FAH: variants seen among roughly 807,000 people sequenced by gnomAD.
The protein encoded by FAH is fumarylacetoacetase.
FAH carries 47 observed loss-of-function variants against 55.8 expected under a neutral mutation model. The ratio of observed to expected loss-of-function variants is 0.84; its 90% confidence interval spans 0.67 to 1.07. The LOEUF (loss-of-function observed/expected upper bound fraction) is 1.07, where lower values mean the gene tolerates loss of function less well. Ranked by LOEUF, FAH falls within the 50% of genes least tolerant of loss-of-function variation. The pLI is 0.00. For synonymous variants in FAH, 199 were observed against 207.7 expected, an observed-to-expected ratio of 0.96 and a Z score of 0.36; for missense variants, 495 against 545.9, an observed-to-expected ratio of 0.91 and a Z score of 0.93.
intron 13 of FAH, among the ~76,000 whole-genome samples, chr15:80,185,355 C>G (rs933169222): frequency 6.6e-6 from 1 of 152,188 alleles, no homozygotes; most frequent in African/African-American, 2.4e-5. Flanking sequence ...AGATCCATTG[C>G]ACAGATGAAG....
At chr15:80,158,004 G>C in intron 1 of FAH, 56 bp from the exon 2 acceptor site, 1 of 1,338,478 alleles carries the variant, frequency 7.5e-7, no homozygotes, top group Non-Finnish European at 1.1e-6. Context: ...CTGAGTAAAT[G>C]AGCCAAGCCC....
intron 3 of FAH, 136 bp downstream of exon 3, chr15:80,160,013 C>T (rs2142092273): frequency 8.8e-7 from 1 of 1,132,776 alleles, no homozygotes; most frequent in African/African-American, 1.5e-5. Context: ...CATCCAGCCC[C>T]TGCCTGAGCT....
Position 80,181,064 on chromosome 15 carries a change from T to C in FAH, c.1085T>C (p.Met362Thr). Residue 362 changes from methionine (M) to threonine (T), a missense_variant, in exon 13 of 14, where the codon ATG becomes ACG. Coordinates refer to ENST00000561421, the MANE Select transcript of FAH (RefSeq NM_000137.4). Reference sequence around the variant, plus strand: ...AAGGAGCCAGAAAACTTCGGCTCCATGTTGGAACTGTCGTGGAAGGGAACG... The same window carrying C: ...AAGGAGCCAGAAAACTTCGGCTCCACGTTGGAACTGTCGTGGAAGGGAACG... ...SGPEPENFGSMLELSWKGTKP... is the reference protein window; with the variant it reads ...SGPEPENFGSTLELSWKGTKP... 6.2e-7 allele frequency: 1 copy of C among 1,613,622 alleles called. No individual in the cohort carries two copies. The highest frequency in any genetic ancestry group is 8.5e-7 in the Non-Finnish European group (1 of 1,179,668).
chr15:80,176,204 T>C (rs913505901), intron 10 of FAH, among the ~76,000 whole-genome samples: 4 of 152,006 alleles, frequency 2.6e-5, no homozygotes, highest in African/African-American at 9.7e-5. Context: ...TTAGTAGAGA[T>C]GGGGTTTCTT....
intron 11 of FAH, among the ~76,000 whole-genome samples, chr15:80,179,184 G>C (rs965860621): frequency 6.6e-6 from 1 of 152,182 alleles, no homozygotes; most frequent in Non-Finnish European, 1.5e-5. Context: ...AGCTCTGGTG[G>C]TGTTTGCCTT....
intron 5 of FAH, among the ~76,000 whole-genome samples, chr15:80,165,280 CA>C (rs887274760): frequency 6.6e-6 from 1 of 151,212 alleles, no homozygotes; most frequent in Admixed American, 6.6e-5. Flanking sequence ...TGTAATCCCA[CA>C]ACTTTGGGAG....
intron 11 of FAH, 126 bp downstream of exon 11, chr15:80,177,709 G>A: frequency 1.2e-6 from 1 of 855,274 alleles, no homozygotes; most frequent in Non-Finnish European, 2.0e-6. Flanking sequence ...TGGGCCTGGA[G>A]CTTCCATGGC....
intron 7 of FAH, among the ~76,000 whole-genome samples, chr15:80,169,382 C>CAAAACAA (rs573089967): frequency 6.6e-6 from 1 of 151,458 alleles, no homozygotes; most frequent in Non-Finnish European, 1.5e-5. Context: ...GACTCTGTCT[C>CAAAACAA]AAAACAAAAA....
intron 13 of FAH, among the ~76,000 whole-genome samples, chr15:80,184,208 G>A (rs2041352192): frequency 6.6e-6 from 1 of 152,158 alleles, no homozygotes; most frequent in Non-Finnish European, 1.5e-5. Context: ...CTCTCCTTCA[G>A]ATCTTTGATT....
intron 1 of FAH, 105 bp downstream of exon 1, chr15:80,153,240 G>A: frequency 1.1e-6 from 1 of 945,344 alleles, no homozygotes; most frequent in South Asian, 1.3e-5. Flanking sequence ...GGGCGGGATG[G>A]AGGCTTGTGC....
At chr15:80,172,917 G>A (rs2041252820) in intron 8 of FAH, 97 bp from the exon 9 acceptor site, 1 of 1,523,740 alleles carries the variant, frequency 6.6e-7, no homozygotes, top group African/African-American at 1.4e-5. Context: ...AGATGGCAGT[G>A]CTAGGTGTCT....
At chr15:80,158,351 G>C (rs1264540478) in intron 2 of FAH, among the ~76,000 whole-genome samples, 181 bp downstream of exon 2, 1 of 152,222 alleles carries the variant, frequency 6.6e-6, no homozygotes, top group Non-Finnish European at 1.5e-5. Context: ...GTGGCCTTGG[G>C]ACAATTCAGG....
intron 4 of FAH, among the ~76,000 whole-genome samples, chr15:80,161,958 G>A (rs2041153392): frequency 6.6e-6 from 1 of 152,250 alleles, no homozygotes; most frequent in South Asian, 2.1e-4. Context: ...AAAGTGGGGA[G>A]CCTGAGAAGG....
At chr15:80,160,532 G>A (rs756336870) in intron 4 of FAH, 73 bp downstream of exon 4, 79 of 1,470,198 alleles carry the variant, frequency 5.4e-5, no homozygotes, top group Non-Finnish European at 7.0e-5. Context: ...AGGTGCTTTG[G>A]TTCTGCATCT....
intron 1 of FAH, among the ~76,000 whole-genome samples, chr15:80,153,603 C>T (rs748643163): frequency 6.6e-6 from 1 of 152,116 alleles, no homozygotes; most frequent in Non-Finnish European, 1.5e-5. Context: ...GAGGGGCACG[C>T]GCGTTTCTTG....
At chr15:80,163,088 G>A (rs1220468617) in intron 5 of FAH, 1 of 153,836 alleles carries the variant, frequency 6.5e-6, no homozygotes, top group African/African-American at 2.4e-5. Context: ...TCTCGAGTGA[G>A]TGTCTCCAGT....
At chr15:80,178,686 C>T (rs557640565) in intron 11 of FAH, among the ~76,000 whole-genome samples, 2 of 151,588 alleles carry the variant, frequency 1.3e-5, no homozygotes. Flanking sequence ...TGGGTTCATG[C>T]CATTCTCCTG....
chr15:80,172,868 T>G, intron 8 of FAH, 146 bp from the exon 9 acceptor site: 1 of 1,083,396 alleles, frequency 9.2e-7, no homozygotes, highest in Non-Finnish European at 1.4e-6. Context: ...CTCTTGCCCC[T>G]TTGTCCTGGG....
In FAH at chr15:80,180,161, A is replaced by G. The variant is rs2041317349; in HGVS notation, c.998A>G (p.His333Arg). The change falls in exon 12 of 14, where the codon CAC (histidine) becomes CGC (arginine). Residue 333 changes from histidine (H) to arginine (R), a missense_variant. Physicochemically the swap from His to Arg is conservative, Grantham distance 29. Transcript: ENST00000561421. ...YWTMLQQLTH[H>R]SVNGCNLRPG... ...ACGATGCTGCAGCAGCTCACTCACC[A>G]CTCTGTCAACGGCTGCAACCTGCGG... The G allele has an allele frequency of 6.2e-7, 1 of 1,610,722 alleles. No homozygotes were observed. Among genetic ancestry groups the G allele is most frequent in the East Asian group, 2.2e-5 (1 of 44,858 alleles).
Sources: gnomAD v4.1 joint callset for allele counts (sites outside exome capture counted in the v4.1 genomes callset) on GRCh38, gnomAD v4.1.1 for gene constraint, MANE v1.5 for transcripts, NCBI Gene and HGNC (gene_info 2026-07-23, HGNC 2026-07-21) for gene names.